Variants in AGBL1 observed in about 807,000 individuals in gnomAD.
AGBL1 encodes AGBL carboxypeptidase 1.
Under a neutral mutation model 118.9 loss-of-function variants are expected in AGBL1, and 130 were observed. That is an observed-to-expected ratio of 1.09 (90% CI 0.95 to 1.26). The LOEUF is 1.26. Among genes scored for constraint, AGBL1 ranks in the 50% most tolerant of loss-of-function variants. AGBL1 has a pLI of 0.00. For missense variants in AGBL1, 1,584 were observed against 1,298.1 expected (o/e 1.22, Z -3.38); for synonymous variants, 555 against 478.9 (o/e 1.16, Z -2.08).
rs538608715 is a variant in AGBL1, at chr15:86,908,763, G to A, written c.*1469G>A. 1 of 152,418 alleles carries A rather than the reference G, an allele frequency of 6.6e-6. No individual in the cohort carries two copies. Among genetic ancestry groups the A allele is most frequent in the Admixed American group, 6.5e-5 (1 of 15,300 alleles). The allele number at this position is 152,418 out of a possible 1,614,324, so 9.4% of individuals were successfully genotyped here. On this transcript the variant is annotated 3_prime_UTR_variant, in exon 23 of 23. Transcript: ENST00000614907. ...AGGATGAGAAGGGACGACAAAGGCA[G>A]TGGTAGAGTGAGAGATAGAATACGC...
intron 1 of AGBL1, among the ~76,000 whole-genome samples, chr15:86,134,355 A>G (rs901175027): frequency 6.6e-6 from 1 of 152,126 alleles, no homozygotes; most frequent in African/African-American, 2.4e-5. Flanking sequence ...TTGGCTCATG[A>G]GTTTGGAAAG....
chr15:86,266,245 G>A, intron 11 of AGBL1, 129 bp from the exon 12 acceptor site: 4 of 547,180 alleles, frequency 7.3e-6, no homozygotes, highest in Non-Finnish European at 1.3e-5. Context: ...CAAAGTTGAG[G>A]TGTTATTAAA....
chr15:86,919,688 G>C (rs1272244833), downstream of AGBL1, among the ~76,000 whole-genome samples: 2 of 152,086 alleles, frequency 1.3e-5, no homozygotes, highest in African/African-American at 4.8e-5. Flanking sequence ...TTTGGTGCCT[G>C]TTGCAGAGAG....
intron 22 of AGBL1, among the ~76,000 whole-genome samples, chr15:86,770,947 C>A (rs2078170055): frequency 6.6e-6 from 1 of 152,002 alleles, no homozygotes; most frequent in Non-Finnish European, 1.5e-5. Flanking sequence ...TAGATGTGGC[C>A]ATGTGACTGA....
intron 17 of AGBL1, among the ~76,000 whole-genome samples, chr15:86,329,622 T>C (rs1422737520): frequency 6.6e-6 from 1 of 151,046 alleles, no homozygotes; most frequent in African/African-American, 2.4e-5. Flanking sequence ...TCACTATTCC[T>C]GGACATAGAT....
At chr15:86,325,775 T>G (rs1334573039) in intron 17 of AGBL1, among the ~76,000 whole-genome samples, 10 of 152,162 alleles carry the variant, frequency 6.6e-5, no homozygotes. Flanking sequence ...AAATATAGGT[T>G]GCTATTTTTC....
chr15:86,776,948 TCTAAGAAATTGTTC>T (rs1335888002), intron 22 of AGBL1, among the ~76,000 whole-genome samples: 15 of 152,102 alleles, frequency 9.9e-5, no homozygotes, highest in Non-Finnish European at 1.8e-4. Flanking sequence ...TCTTTTGTGC[TCTAAGAAATTGTTC>T]CTAACCAAAC....
chr15:86,694,855 G>T (rs1163041362), intron 22 of AGBL1, among the ~76,000 whole-genome samples: 1 of 152,008 alleles, frequency 6.6e-6, no homozygotes, highest in African/African-American at 2.4e-5. Flanking sequence ...AGATGATCAT[G>T]TGATTTTTGT....
At chr15:86,348,093 G>A (rs1490564004) in intron 17 of AGBL1, among the ~76,000 whole-genome samples, 1 of 152,182 alleles carries the variant, frequency 6.6e-6, no homozygotes, top group East Asian at 1.9e-4. Context: ...CCTCCCAGCT[G>A]GAATCTGATG....
At chr15:86,084,122 C>T (rs909869828) in intron 1 of AGBL1, among the ~76,000 whole-genome samples, 5 of 152,142 alleles carry the variant, frequency 3.3e-5, no homozygotes, top group Non-Finnish European at 7.4e-5. Context: ...AGGATGAGGG[C>T]CAAGTGGACA....
intron 17 of AGBL1, among the ~76,000 whole-genome samples, chr15:86,350,512 C>T (rs2080608883): frequency 6.6e-6 from 1 of 152,118 alleles, no homozygotes; most frequent in South Asian, 2.1e-4. Context: ...TGTTTCTGAC[C>T]CGCCTTTGCT....
intron 22 of AGBL1, among the ~76,000 whole-genome samples, chr15:86,902,710 A>G (rs1190322712): frequency 6.6e-6 from 1 of 152,090 alleles, no homozygotes; most frequent in Non-Finnish European, 1.5e-5. Flanking sequence ...TGCTTTCAAC[A>G]CTTGAAAAAT....
chr15:86,813,739 TAACA>T (rs781214533), intron 22 of AGBL1, among the ~76,000 whole-genome samples: 2 of 152,284 alleles, frequency 1.3e-5, no homozygotes, highest in Middle Eastern at 3.4e-3. Flanking sequence ...AGAGGGTTTG[TAACA>T]AACAGTCAGA....
intron 21 of AGBL1, among the ~76,000 whole-genome samples, chr15:86,633,818 GTATATATATATAATGTATA>G: frequency 2.1e-4 from 1 of 4,706 alleles, no homozygotes; most frequent in South Asian, 7.5e-3. Flanking sequence ...TATAATGTAT[GTATATATATATAATGTATA>G]TATATATAAT....
intron 22 of AGBL1, among the ~76,000 whole-genome samples, chr15:86,764,723 T>A (rs1043710039): frequency 6.6e-6 from 1 of 152,082 alleles, no homozygotes; most frequent in Non-Finnish European, 1.5e-5. Context: ...TTGCCTCAGA[T>A]GCTAAAGTTA....
intron 18 of AGBL1, among the ~76,000 whole-genome samples, chr15:86,439,438 T>C (rs918895744): frequency 6.6e-6 from 1 of 152,216 alleles, no homozygotes; most frequent in Non-Finnish European, 1.5e-5. Flanking sequence ...CCCTGTATGG[T>C]ACATTTTAAT....
At chr15:86,991,757 T>A (rs1411418750) in intron 24 of AGBL1, among the ~76,000 whole-genome samples, 1 of 152,132 alleles carries the variant, frequency 6.6e-6, no homozygotes, top group Admixed American at 6.5e-5. Context: ...GCGTATGGTT[T>A]CCTCACACAT....
At chr15:86,930,683 A>AT (rs1273373316) in intron 23 of AGBL1, among the ~76,000 whole-genome samples, 1 of 152,188 alleles carries the variant, frequency 6.6e-6, no homozygotes, top group African/African-American at 2.4e-5. Context: ...AAAAATGATA[A>AT]AAAAGAAAAT....
At chr15:86,850,872 T>C (rs905180507) in intron 22 of AGBL1, among the ~76,000 whole-genome samples, 5 of 152,190 alleles carry the variant, frequency 3.3e-5, no homozygotes, top group Admixed American at 6.5e-5. Context: ...TCAACATTGA[T>C]AGTAATAGGT....
Sources: gnomAD v4.1 joint callset for allele counts (sites outside exome capture counted in the v4.1 genomes callset) on GRCh38, gnomAD v4.1.1 for gene constraint, MANE v1.5 for transcripts, NCBI Gene and HGNC (gene_info 2026-07-23, HGNC 2026-07-21) for gene names.